The following RCAN1 variants were observed in gnomAD, a reference collection of about 807,000 sequenced individuals.
RCAN1 encodes the protein regulator of calcineurin 1.
In RCAN1, 11 loss-of-function variants were observed where a neutral mutation model predicts 22.9. The observed-to-expected ratio is 0.48, with a 90% CI of 0.30 to 0.79. RCAN1 has a LOEUF of 0.79. RCAN1 is among the 30% of genes least tolerant of loss of function. The probability of loss-of-function intolerance (pLI) is 0.06; values close to 1 mark genes in which losing one functional copy is unlikely to be tolerated. For synonymous variants in RCAN1, 136 were observed against 142.3 expected (o/e 0.96, Z 0.32); for missense variants, 291 against 337.8 (o/e 0.86, Z 1.09).
rs375846633 is a variant in RCAN1 at position 34,518,092 on chromosome 21, G to A, written c.751C>T (p.Leu251Phe). 5 of 1,614,034 alleles carry A rather than the reference G, an allele frequency of 3.1e-6. No homozygotes were observed. The African/African-American group carries it at 6.7e-5, about 22-fold the overall frequency. Reference protein sequence around the residue: ...TRRPEYTPIHLS With the variant: ...TRRPEYTPIHFS ...CCTCGTCGCGTGCCAGTTCAGCTGA[G>A]GTGGATCGGCGTGTACTCCGGCCTC... The change falls in exon 4 of 4, where the codon CTC (leucine) becomes TTC (phenylalanine). Residue 251 changes from leucine to phenylalanine, a missense_variant. Transcript: ENST00000313806. This position sits in a 1 kb window ranked among gnomAD's most constrained non-coding sequence, Gnocchi z 4.2.
At chr21:34,547,018 C>G (rs1228228449) in intron 1 of RCAN1, among the ~76,000 whole-genome samples, 1 of 152,224 alleles carries the variant, frequency 6.6e-6, no homozygotes, top group Non-Finnish European at 1.5e-5. Flanking sequence ...TTGGGGCCCA[C>G]ACTTTTGCAA....
intron 1 of RCAN1, chr21:34,613,733 T>C: frequency 6.8e-7 from 1 of 1,470,574 alleles, no homozygotes; most frequent in Admixed American, 2.1e-5. Flanking sequence ...ACGGCCATTG[T>C]AATTCCTTTC....
intron 1 of RCAN1, among the ~76,000 whole-genome samples, chr21:34,583,874 A>T (rs1354037697): frequency 6.6e-6 from 1 of 152,052 alleles, no homozygotes; most frequent in Non-Finnish European, 1.5e-5. Context: ...CACTGAAAAA[A>T]CTACACCCTC....
chr21:34,523,460 T>C, intron 2 of RCAN1, 77 bp downstream of exon 2: 2 of 1,430,904 alleles, frequency 1.4e-6, no homozygotes, highest in South Asian at 1.3e-5. Flanking sequence ...GCATATAACA[T>C]AAGCAACGTA....
At chr21:34,533,182 G>C (rs1053364396) in intron 1 of RCAN1, among the ~76,000 whole-genome samples, 4 of 151,866 alleles carry the variant, frequency 2.6e-5, no homozygotes, top group African/African-American at 9.7e-5. Context: ...GGATGGTCTT[G>C]ATCTCCTGAC....
At chr21:34,612,453 G>C (rs947268395) in intron 1 of RCAN1, among the ~76,000 whole-genome samples, 1 of 152,168 alleles carries the variant, frequency 6.6e-6, no homozygotes, top group Non-Finnish European at 1.5e-5. Context: ...CCTGGTCCAG[G>C]CTGTGCAGAG....
At chr21:34,549,118 A>G (rs1349164153) in intron 1 of RCAN1, among the ~76,000 whole-genome samples, 8 of 152,040 alleles carry the variant, frequency 5.3e-5, no homozygotes, top group African/African-American at 1.9e-4. Flanking sequence ...CACTGTCTCC[A>G]TCCCACGTGA....
chr21:34,575,267 A>C (rs1987374704), intron 1 of RCAN1, among the ~76,000 whole-genome samples: 1 of 152,100 alleles, frequency 6.6e-6, no homozygotes, highest in South Asian at 2.1e-4. Context: ...AACACAGTTC[A>C]CCTTCTCCCC....
At chr21:34,556,912 GTCCTT>G (rs760078176) in intron 1 of RCAN1, among the ~76,000 whole-genome samples, 42 of 152,168 alleles carry the variant, frequency 2.8e-4, no homozygotes, top group Middle Eastern at 3.2e-3. Flanking sequence ...CACATTTATG[GTCCTT>G]TAAAAGCTGT....
rs7276344 is a variant in RCAN1, at chr21:34,588,218, C to T, written c.252+26542G>A. Reference sequence around the variant, plus strand: ...CAAGACACAAATGATGAAAAACATGCTTCCACTTATATAAAGTTCCAGACA... The same window carrying T: ...CAAGACACAAATGATGAAAAACATGTTTCCACTTATATAAAGTTCCAGACA... On this transcript the variant is annotated intron_variant, in intron 1 of 3. Transcript: ENST00000313806. 6.0e-3 allele frequency among the ~76,000 whole-genome samples: 909 copies of T among 152,238 alleles called. 7 individuals carry two copies. The highest frequency in any genetic ancestry group is 0.021 in the African/African-American group (860 of 41,514).
At chr21:34,540,520 A>G (rs1042037995) in intron 1 of RCAN1, among the ~76,000 whole-genome samples, 3 of 152,232 alleles carry the variant, frequency 2.0e-5, no homozygotes, top group Admixed American at 2.0e-4. Flanking sequence ...CCTAGTTCTT[A>G]GTATTTACCA....
At chr21:34,528,468 A>G (rs1985198349) in intron 1 of RCAN1, among the ~76,000 whole-genome samples, 1 of 152,254 alleles carries the variant, frequency 6.6e-6, no homozygotes, top group South Asian at 2.1e-4. Context: ...ACAATGCAAC[A>G]TGCATCAAAC....
At chr21:34,594,819 C>T (rs1291346918) in intron 1 of RCAN1, among the ~76,000 whole-genome samples, 2 of 152,198 alleles carry the variant, frequency 1.3e-5, no homozygotes, top group African/African-American at 4.8e-5. Context: ...CGTGTCTTCA[C>T]TGTAAAATGG....
At chr21:34,546,121 G>A (rs895661807) in intron 1 of RCAN1, among the ~76,000 whole-genome samples, 37 of 152,136 alleles carry the variant, frequency 2.4e-4, no homozygotes, top group Non-Finnish European at 3.5e-4. Flanking sequence ...ACCATCTGAA[G>A]GATGCTAAAA....
chr21:34,579,291 G>A (rs2123695015), intron 1 of RCAN1, among the ~76,000 whole-genome samples: 1 of 152,244 alleles, frequency 6.6e-6, no homozygotes, highest in Admixed American at 6.5e-5. Flanking sequence ...AGCTACTTGG[G>A]AGGCTGGAGG....
chr21:34,581,474 G>A (rs1201912476), intron 1 of RCAN1, among the ~76,000 whole-genome samples: 1 of 152,120 alleles, frequency 6.6e-6, no homozygotes, highest in African/African-American at 2.4e-5. Context: ...ATGCCCCTCT[G>A]CCCTCATACC....
chr21:34,544,430 G>A (rs946550772), intron 1 of RCAN1, among the ~76,000 whole-genome samples: 2 of 152,168 alleles, frequency 1.3e-5, no homozygotes, highest in Non-Finnish European at 2.9e-5. Flanking sequence ...TTCTCCGCAA[G>A]AGTCTCCAGA....
chr21:34,606,994 T>C (rs557850127), intron 1 of RCAN1, among the ~76,000 whole-genome samples: 1 of 152,324 alleles, frequency 6.6e-6, no homozygotes, highest in South Asian at 2.1e-4. Flanking sequence ...TTGAGGAACT[T>C]TCTGAATTAA....
chr21:34,554,126 G>C (rs184978082), intron 1 of RCAN1, among the ~76,000 whole-genome samples: 12 of 152,304 alleles, frequency 7.9e-5, no homozygotes, highest in Admixed American at 2.6e-4. Flanking sequence ...CTCGGGAGGA[G>C]AGTAAACAAG....
Sources: allele counts gnomAD v4.1 joint callset (sites outside exome capture counted in the v4.1 genomes callset), GRCh38; gene constraint gnomAD v4.1.1; non-coding constraint Gnocchi (gnomAD v3.1); transcripts MANE v1.5; gene names NCBI Gene and HGNC (gene_info 2026-07-23, HGNC 2026-07-21).